Variants in C12orf75 observed in about 807,000 individuals in gnomAD.
The protein encoded by C12orf75 is chromosome 12 open reading frame 75.
A neutral mutation model predicts 11.4 loss-of-function variants in C12orf75; 4 were observed. The ratio of observed to expected loss-of-function variants is 0.35; its 90% CI spans 0.17 to 0.80. The LOEUF is 0.80. Ranked by LOEUF, C12orf75 falls within the 30% of genes least tolerant of loss-of-function variation. The pLI is 0.52. For synonymous variants in C12orf75, 30 were observed against 30.0 expected (o/e 1.00, Z 0.00); for missense variants, 89 against 80.4 (o/e 1.11, Z -0.41).
intron 2 of C12orf75, among the ~76,000 whole-genome samples, chr12:105,361,041 G>A (rs1892858187): frequency 6.6e-6 from 1 of 152,124 alleles, no homozygotes; most frequent in Non-Finnish European, 1.5e-5. Flanking sequence ...CTTCCAAAGT[G>A]TTGGGATTAA....
chr12:105,333,000 T>A (rs1396585120), intron 1 of C12orf75, among the ~76,000 whole-genome samples: 1 of 151,340 alleles, frequency 6.6e-6, no homozygotes, highest in African/African-American at 2.4e-5. Flanking sequence ...GGACAGTGCA[T>A]GTGAGAGCAT....
At chr12:105,352,332 G>T (rs956810204) in intron 2 of C12orf75, among the ~76,000 whole-genome samples, 2 of 152,218 alleles carry the variant, frequency 1.3e-5, no homozygotes, top group Non-Finnish European at 2.9e-5. Context: ...AGAGAGTGAT[G>T]TGGGTCTTTG....
chr12:105,342,779 G>T (rs1284448809), intron 1 of C12orf75, among the ~76,000 whole-genome samples: 2 of 152,166 alleles, frequency 1.3e-5, no homozygotes, highest in Non-Finnish European at 2.9e-5. Context: ...AATTCCAGGG[G>T]TTTTAGGAGC....
At chr12:105,366,168 G>A (rs1054076581) in intron 3 of C12orf75, 5 of 350,140 alleles carry the variant, frequency 1.4e-5, no homozygotes, top group South Asian at 5.2e-5. Flanking sequence ...CTGATTAACT[G>A]CACTCCACCC....
Position 105,330,934 on chromosome 12 carries a change from C to A in C12orf75, c.43C>A (p.Gln15Lys). ...NSTATSAGAG[Q>K]GPAGAAKDVT... is the part of the protein sequence containing the mutation. ...CACCGCCACCAGCGCGGGCGCGGGC[C>A]AAGGTGAGTCCGGCGGGAGGCGGGG... Residue 15 changes from glutamine (Q) to lysine (K), a missense_variant, in exon 1 of 6, where the codon CAA (glutamine) becomes AAA (lysine). Physicochemically the swap from Gln to Lys is moderately conservative, Grantham distance 53. Coordinates refer to ENST00000443585, the MANE Select transcript of C12orf75 (RefSeq NM_001145199.2). 1 of 1,232,032 alleles carries A rather than the reference C, an allele frequency of 8.1e-7. No homozygotes were observed. Among genetic ancestry groups the A allele is most frequent in the Non-Finnish European group, 1.0e-6 (1 of 987,890 alleles). The allele number at this position is 1,232,032 out of a possible 1,614,324, so 76.3% of individuals were successfully genotyped here.
intron 2 of C12orf75, among the ~76,000 whole-genome samples, chr12:105,358,735 C>T (rs1309428009): frequency 6.6e-6 from 1 of 152,184 alleles, no homozygotes; most frequent in Non-Finnish European, 1.5e-5. Flanking sequence ...CATGCTTACC[C>T]TGGAAAAACA....
In C12orf75 at chr12:105,330,758, G is replaced by C. The variant is rs1892409491; in HGVS notation, c.-134G>C. The stretch of plus-strand genomic sequence containing the variant: ...CGTCTCCCGGCGGTGGGAGGGGGCG[G>C]CCCCCACTCGGTTCCTGGCCCCTCG... On this transcript the variant is annotated 5_prime_UTR_variant, in exon 1 of 6. Coordinates refer to ENST00000443585, the MANE Select transcript of C12orf75 (RefSeq NM_001145199.2). The C allele has an allele frequency of 2.2e-6, 2 of 891,734 alleles. No homozygotes were observed. Among genetic ancestry groups the C allele is most frequent in the South Asian group, 1.1e-4 (2 of 17,730 alleles). 55.2% of individuals were successfully genotyped at this position (891,734 alleles called of 1,614,324 possible).
intron 2 of C12orf75, among the ~76,000 whole-genome samples, chr12:105,360,166 C>G (rs1437982886): frequency 6.6e-6 from 1 of 152,224 alleles, no homozygotes; most frequent in Non-Finnish European, 1.5e-5. Flanking sequence ...CTATCACTGG[C>G]TGCTATTCTC....
chr12:105,334,763 C>CGA (rs1001045648), intron 1 of C12orf75, among the ~76,000 whole-genome samples: 2 of 152,206 alleles, frequency 1.3e-5, no homozygotes, highest in Non-Finnish European at 2.9e-5. Context: ...AGCATGTCTC[C>CGA]GGACTAGGCA....
At chr12:105,367,701 C>G (rs1871519879) in intron 5 of C12orf75, among the ~76,000 whole-genome samples, 192 bp downstream of exon 5, 1 of 152,064 alleles carries the variant, frequency 6.6e-6, no homozygotes, top group African/African-American at 2.4e-5. Flanking sequence ...CTTTCAGCTA[C>G]TTTTTTCATT....
rs541069649 is a variant in C12orf75 at position 105,361,524 on chromosome 12, T to A, written c.72-4283T>A. Among the ~76,000 whole-genome samples the A allele has an allele frequency of 2.6e-5, 4 of 152,020 alleles. No individual in the cohort carries two copies. In the East Asian group the frequency reaches 7.7e-4, roughly 29 times the overall value. On this transcript the variant is annotated intron_variant, in intron 2 of 5. Transcript: ENST00000443585. ...AAAAAACGACCTTTAGGGAAATGAGTCCCCCCACCAGAAGGTGTGCTTTTT... is the reference window on the plus strand; with the variant it reads ...AAAAAACGACCTTTAGGGAAATGAGACCCCCCACCAGAAGGTGTGCTTTTT...
intron 2 of C12orf75, among the ~76,000 whole-genome samples, chr12:105,353,765 G>A (rs1417434782): frequency 6.6e-6 from 1 of 152,126 alleles, no homozygotes; most frequent in African/African-American, 2.4e-5. Flanking sequence ...AATGTTTGCT[G>A]TTGAAAATAA....
intron 2 of C12orf75, among the ~76,000 whole-genome samples, chr12:105,363,931 C>G (rs1871376799): frequency 6.6e-6 from 1 of 151,996 alleles, no homozygotes; most frequent in South Asian, 2.1e-4. Flanking sequence ...AGTAATTTAA[C>G]AGGAGAAAGT....
chr12:105,332,766 TAGAA>T (rs1892450481), intron 1 of C12orf75, among the ~76,000 whole-genome samples: 1 of 144,984 alleles, frequency 6.9e-6, no homozygotes, highest in South Asian at 2.2e-4. Flanking sequence ...GAAAAGAAAA[TAGAA>T]AGATGGTAAG....
chr12:105,344,175 G>A (rs1278998859), intron 1 of C12orf75, among the ~76,000 whole-genome samples: 1 of 152,154 alleles, frequency 6.6e-6, no homozygotes, highest in African/African-American at 2.4e-5. Context: ...GTGGCCATTT[G>A]TAAACTCATT....
At chr12:105,338,785 A>G (rs1401536646) in intron 1 of C12orf75, among the ~76,000 whole-genome samples, 1 of 152,150 alleles carries the variant, frequency 6.6e-6, no homozygotes, top group Non-Finnish European at 1.5e-5. Flanking sequence ...CATGGAAACT[A>G]ATACAGTTAG....
At chr12:105,334,020 T>A (rs1396834975) in intron 1 of C12orf75, among the ~76,000 whole-genome samples, 2 of 152,304 alleles carry the variant, frequency 1.3e-5, no homozygotes, top group South Asian at 4.1e-4. Context: ...CATGACAGAT[T>A]GATATGCAGT....
chr12:105,358,489 C>T (rs12831150), intron 2 of C12orf75, among the ~76,000 whole-genome samples: 30,339 of 152,092 alleles, frequency 0.2, 3,242 homozygotes, highest in Non-Finnish European at 0.22. Context: ...CCACTGCTCT[C>T]CAGCCTAGGC....
At chr12:105,333,943 G>A (rs1212553786) in intron 1 of C12orf75, among the ~76,000 whole-genome samples, 1 of 152,178 alleles carries the variant, frequency 6.6e-6, no homozygotes, top group African/African-American at 2.4e-5. Flanking sequence ...CTGGATAATT[G>A]TTTCCCCTTT....
Sources: gnomAD v4.1 joint callset for allele counts (sites outside exome capture counted in the v4.1 genomes callset) on GRCh38, gnomAD v4.1.1 for gene constraint, MANE v1.5 for transcripts, NCBI Gene and HGNC (gene_info 2026-07-23, HGNC 2026-07-21) for gene names.